Variants in SEC11C observed in about 807,000 individuals in gnomAD.
The protein encoded by SEC11C is SEC11 homolog C, signal peptidase complex subunit.
SEC11C carries 10 observed loss-of-function variants against 21.9 expected under a neutral mutation model. That is an observed-to-expected ratio of 0.46 (90% CI 0.28 to 0.77). SEC11C has a LOEUF of 0.77. SEC11C is among the 30% of genes least tolerant of loss of function. SEC11C has a pLI of 0.12. For missense variants in SEC11C, 145 were observed against 244.5 expected, an observed-to-expected ratio of 0.59 and a Z score of 2.71; for synonymous variants, 83 against 85.6, an observed-to-expected ratio of 0.97 and a Z score of 0.17.
chr18:59,152,778 C>G (rs1023199562), intron 3 of SEC11C, 93 bp downstream of exon 3: 2 of 1,128,532 alleles, frequency 1.8e-6, no homozygotes, highest in African/African-American at 3.1e-5. Flanking sequence ...GGATTATGTT[C>G]TGAGTTCTGC....
At chr18:59,150,384 C>G (rs537484343) in intron 2 of SEC11C, among the ~76,000 whole-genome samples, 60 of 152,344 alleles carry the variant, frequency 3.9e-4, no homozygotes, top group African/African-American at 1.4e-3. Flanking sequence ...GTGCCCTTTC[C>G]CTCCACCAGG....
intron 3 of SEC11C, among the ~76,000 whole-genome samples, chr18:59,154,955 A>G (rs2069402912): frequency 6.6e-6 from 1 of 152,178 alleles, no homozygotes; most frequent in African/African-American, 2.4e-5. Context: ...AATCCCAGCT[A>G]CTCAGAGACG....
intron 4 of SEC11C, chr18:59,157,227 A>G (rs1374474970): frequency 5.7e-6 from 1 of 174,878 alleles, no homozygotes; most frequent in Non-Finnish European, 1.2e-5. Flanking sequence ...CTCATTATTC[A>G]TGTACTTTGA....
intron 3 of SEC11C, among the ~76,000 whole-genome samples, chr18:59,155,067 A>G (rs1456271597): frequency 6.6e-6 from 1 of 152,180 alleles, no homozygotes; most frequent in Non-Finnish European, 1.5e-5. Flanking sequence ...TCCATCTCAA[A>G]CAAACAAACA....
In SEC11C at chr18:59,149,582, G is replaced by C. The variant is rs367998627; in HGVS notation, c.157G>C (p.Val53Leu). The C allele has an allele frequency of 3.2e-5, 51 of 1,612,824 alleles. No homozygotes were observed. Among genetic ancestry groups the C allele is most frequent in the Non-Finnish European group, 4.1e-5 (48 of 1,179,096 alleles). The change falls in exon 2 of 6, where the codon GTG (valine) becomes CTG (leucine). Residue 53 changes from valine to leucine, a missense_variant. Transcript: ENST00000587834. ...ACTCATGATATGGAAAGGCTTGATC[G>C]TGCTCACAGGCAGTGAGAGCCCCAT... The part of the protein sequence containing the change: ...SALMIWKGLI[V>L]LTGSESPIVV...
At chr18:59,144,506 G>A (rs973625527) in intron 1 of SEC11C, among the ~76,000 whole-genome samples, 2 of 152,064 alleles carry the variant, frequency 1.3e-5, no homozygotes, top group African/African-American at 4.8e-5. Context: ...GATTGCTTGA[G>A]GCTAGTATGT....
At chr18:59,150,410 G>A (rs2069334545) in intron 2 of SEC11C, among the ~76,000 whole-genome samples, 1 of 152,220 alleles carries the variant, frequency 6.6e-6, no homozygotes, top group Admixed American at 6.5e-5. Flanking sequence ...CCACCACCTC[G>A]TGGGGCCATA....
intron 1 of SEC11C, among the ~76,000 whole-genome samples, chr18:59,144,103 C>T (rs529575269): frequency 6.6e-6 from 1 of 152,174 alleles, no homozygotes. Flanking sequence ...ATCCGCCCAC[C>T]TCGGCCTCTC....
chr18:59,155,969 T>C, intron 4 of SEC11C, 162 bp downstream of exon 4: 1 of 749,330 alleles, frequency 1.3e-6, no homozygotes. Flanking sequence ...AACTTAGAAA[T>C]TCCTAAAGAC....
rs114404156 is a variant in SEC11C, at chr18:59,146,820, C to T, written c.88-2693C>T. 3.3e-3 allele frequency among the ~76,000 whole-genome samples: 497 copies of T among 152,218 alleles called. 1 individual carries two copies. The highest frequency in any genetic ancestry group is 0.011 in the African/African-American group (450 of 41,526). On this transcript the variant is annotated intron_variant, in intron 1 of 5. Transcript: ENST00000587834. ...CTGATGGGAGGAGGAGGTATAGAGC[C>T]GTGATTCAACTTTCACTGCACCTCA...
chr18:59,155,933 T>A, intron 4 of SEC11C, 126 bp downstream of exon 4: 1 of 1,126,380 alleles, frequency 8.9e-7, no homozygotes, highest in Non-Finnish European at 1.3e-6. Flanking sequence ...TAAGCAGTTC[T>A]AGTTTATCCT....
chr18:59,144,129 C>T (rs992836449), intron 1 of SEC11C, among the ~76,000 whole-genome samples: 2 of 152,194 alleles, frequency 1.3e-5, no homozygotes, highest in African/African-American at 4.8e-5. Flanking sequence ...GCTGGGATTA[C>T]AGGCATGAGC....
intron 2 of SEC11C, 49 bp from the exon 3 acceptor site, chr18:59,152,486 GC>G: frequency 6.5e-7 from 1 of 1,529,534 alleles, no homozygotes; most frequent in South Asian, 1.3e-5. Flanking sequence ...TATTCTGATC[GC>G]CTTTTGGACA....
intron 1 of SEC11C, among the ~76,000 whole-genome samples, chr18:59,143,976 C>T (rs1399809987): frequency 3.9e-5 from 6 of 151,968 alleles, no homozygotes; most frequent in Admixed American, 6.6e-5. Flanking sequence ...CTCAGCCTCC[C>T]GAGTAGCTGG....
intron 2 of SEC11C, 118 bp from the exon 3 acceptor site, chr18:59,152,418 G>C (rs1026751650): frequency 2.8e-6 from 3 of 1,087,170 alleles, no homozygotes; most frequent in Non-Finnish European, 2.6e-6. Context: ...AAGCCACATT[G>C]GCTCGTTTTA....
rs1005201500 is a variant in SEC11C, at chr18:59,151,771, C to T, written c.198-765C>T. Among the ~76,000 whole-genome samples the T allele has an allele frequency of 5.9e-5, 9 of 152,128 alleles. 1 individual carries two copies. In the South Asian group the frequency reaches 6.2e-4, roughly 11 times the overall value. On this transcript the variant is annotated intron_variant, in intron 2 of 5. Transcript: ENST00000587834. ...TACTCATCCTTGGTTGCACAGCCCC[C>T]GTCAAGCTGTATTTCTAGGTCTTAT... is the stretch of plus-strand genomic sequence containing the variant.
At chr18:59,141,575 T>C (rs933955560) in intron 1 of SEC11C, among the ~76,000 whole-genome samples, 2 of 152,248 alleles carry the variant, frequency 1.3e-5, no homozygotes, top group Non-Finnish European at 2.9e-5. Context: ...TGCCAGTAGC[T>C]GGCTGTATTG....
chr18:59,147,633 C>T (rs1051537825), intron 1 of SEC11C: 31 of 152,110 alleles, frequency 2.0e-4, no homozygotes, highest in African/African-American at 5.1e-4. Flanking sequence ...AGAGAGTCCT[C>T]AGAGACCCAG....
chr18:59,158,714 G>A lies in SEC11C; in HGVS notation c.*29G>A, dbSNP rs776029200. The A allele has an allele frequency of 1.3e-6, 2 of 1,575,932 alleles. No individual in the cohort carries two copies. The highest frequency in any genetic ancestry group is 1.7e-6 in the Non-Finnish European group (2 of 1,145,600). ...GAGAAGCAGTTCCTGGGACCAGATT[G>A]AAATGAATTCTGTTGAAAAAGAGAA... On this transcript the variant is annotated 3_prime_UTR_variant, in exon 6 of 6. Transcript: ENST00000587834.
Sources: gnomAD v4.1 joint callset for allele counts (sites outside exome capture counted in the v4.1 genomes callset) on GRCh38, gnomAD v4.1.1 for gene constraint, MANE v1.5 for transcripts, NCBI Gene and HGNC (gene_info 2026-07-23, HGNC 2026-07-21) for gene names.